Variants in VPS13B observed in about 807,000 individuals in gnomAD.
VPS13B encodes the protein vacuolar protein sorting 13 homolog B.
In VPS13B, 285 loss-of-function variants were observed where a neutral mutation model predicts 426.4. The observed-to-expected ratio is 0.67, with a 90% CI of 0.61 to 0.74. The LOEUF (loss-of-function observed/expected upper bound fraction) is 0.74. Ranked by LOEUF, VPS13B falls within the 30% of genes least tolerant of loss-of-function variation. VPS13B has a pLI of 0.00. For synonymous variants in VPS13B, 1,676 were observed against 1,676.4 expected (o/e 1.00, Z 0.01); for missense variants, 4,537 against 4,782.6 (o/e 0.95, Z 1.51).
rs73703007 is a variant in VPS13B at position 99,779,576 on chromosome 8, G to A, written c.7779+545G>A. Among the ~76,000 whole-genome samples, 181 of 152,144 alleles carry A rather than the reference G, an allele frequency of 1.2e-3. 1 individual carries two copies. The highest frequency in any genetic ancestry group is 4.2e-3 in the African/African-American group (175 of 41,508). On this transcript the variant is annotated intron_variant, in intron 42 of 61. Coordinates refer to ENST00000357162, the MANE Select transcript of VPS13B (RefSeq NM_152564.5). ...ATAATGGATTTTTAAATCAATTAGA[G>A]AGCCTTGATTATTTTAATAATTTTT...
chr8:99,131,425 G>A lies in VPS13B; in HGVS notation c.1207-3207G>A, dbSNP rs532863649. Among the ~76,000 whole-genome samples the A allele has an allele frequency of 1.8e-4, 28 of 152,252 alleles. 1 individual carries two copies. Among genetic ancestry groups the A allele is most frequent in the Middle Eastern group, 6.8e-3 (2 of 294 alleles). ...ATAATATGTTATAAGCATCTGGGGA[G>A]TTAAGAATTTTTTGTTTTGTTAATA... On this transcript the variant is annotated intron_variant, in intron 8 of 61. Transcript: ENST00000357162.
intron 43 of VPS13B, among the ~76,000 whole-genome samples, chr8:99,802,400 G>A (rs1231582762): frequency 2.0e-5 from 3 of 152,006 alleles, no homozygotes; most frequent in Admixed American, 6.6e-5. Flanking sequence ...ATAGAAATGT[G>A]TAATTTCTTT....
In VPS13B at chr8:99,170,173, A is replaced by G. The variant is rs933132905; in HGVS notation, c.2333+10A>G. 12 of 1,611,896 alleles carry G rather than the reference A, an allele frequency of 7.4e-6. No individual in the cohort carries two copies. Among genetic ancestry groups the G allele is most frequent in the Non-Finnish European group, 1.0e-5 (12 of 1,178,484 alleles). ...AACTCCCCACATGCTGGTAAGTCTT[A>G]CATGTTAAAATGTGATTTATGTTAA... On this transcript the variant is annotated intron_variant, in intron 16 of 61. Coordinates refer to ENST00000357162, the MANE Select transcript of VPS13B (RefSeq NM_152564.5).
chr8:99,752,748 T>C (rs191262499), intron 39 of VPS13B, among the ~76,000 whole-genome samples: 32 of 152,286 alleles, frequency 2.1e-4, no homozygotes, highest in African/African-American at 7.2e-4. Context: ...TTATCAAGAG[T>C]TATTAAGAAC....
rs759880773 is a variant in VPS13B at position 99,701,119 on chromosome 8, C to T, written c.6454+1187C>T. ...AGGCCAAAACATAGATGATTTATTT[C>T]TTTCTCACTAGAAATATTCGTGACC... On this transcript the variant is annotated intron_variant, in intron 36 of 61. Coordinates refer to ENST00000357162, the MANE Select transcript of VPS13B (RefSeq NM_152564.5). Among the ~76,000 whole-genome samples the T allele has an allele frequency of 5.1e-4, 78 of 152,278 alleles. 1 individual carries two copies. In the Middle Eastern group the frequency reaches 0.014, roughly 27 times the overall value.
intron 39 of VPS13B, among the ~76,000 whole-genome samples, chr8:99,762,005 GT>G (rs1810954881): frequency 6.6e-6 from 1 of 151,736 alleles, no homozygotes; most frequent in Non-Finnish European, 1.5e-5. Flanking sequence ...TGTCCACTGA[GT>G]TTTTGTTTGT....
At chr8:99,064,102 G>C (rs1456614423) in intron 3 of VPS13B, among the ~76,000 whole-genome samples, 1 of 152,112 alleles carries the variant, frequency 6.6e-6, no homozygotes, top group Admixed American at 6.5e-5. Flanking sequence ...CCATCTGTAG[G>C]TCACCAACAT....
intron 16 of VPS13B, among the ~76,000 whole-genome samples, chr8:99,183,376 T>G (rs1035540153): frequency 6.6e-6 from 1 of 152,198 alleles, no homozygotes; most frequent in African/African-American, 2.4e-5. Context: ...CTCTGGAGAT[T>G]AATATGTAAA....
intron 36 of VPS13B, among the ~76,000 whole-genome samples, chr8:99,705,420 T>G (rs564707847): frequency 1.3e-5 from 2 of 152,266 alleles, no homozygotes; most frequent in East Asian, 3.9e-4. Context: ...GGAGAAGACA[T>G]CTCAACATAC....
intron 15 of VPS13B, among the ~76,000 whole-genome samples, chr8:99,168,736 C>T (rs185146086): frequency 6.6e-6 from 1 of 151,916 alleles, no homozygotes; most frequent in Non-Finnish European, 1.5e-5. Context: ...AGAAAGATAT[C>T]TTTTTCTCAA....
intron 6 of VPS13B, 99 bp from the exon 7 acceptor site, chr8:99,115,601 T>C: frequency 8.5e-7 from 1 of 1,170,888 alleles, no homozygotes; most frequent in Non-Finnish European, 1.2e-6. Context: ...AGCATTTCTT[T>C]TATGTTATGC....
At chr8:99,814,724 T>C (rs1813920082) in intron 44 of VPS13B, among the ~76,000 whole-genome samples, 1 of 152,166 alleles carries the variant, frequency 6.6e-6, no homozygotes, top group Non-Finnish European at 1.5e-5. Context: ...CTTCCCTGAG[T>C]ACTTTGCTGC....
At chr8:99,820,492 C>G (rs1231922825) in intron 49 of VPS13B, among the ~76,000 whole-genome samples, 2 of 152,150 alleles carry the variant, frequency 1.3e-5, no homozygotes, top group African/African-American at 4.8e-5. Context: ...TCTGGAAATT[C>G]TCTGCAATCT....
At chr8:99,348,522 ATAAAT>A (rs1210231632) in intron 19 of VPS13B, among the ~76,000 whole-genome samples, 1 of 152,236 alleles carries the variant, frequency 6.6e-6, no homozygotes, top group African/African-American at 2.4e-5. Context: ...CATCATGGAC[ATAAAT>A]TAGATGATGT....
intron 36 of VPS13B, among the ~76,000 whole-genome samples, chr8:99,713,828 TA>T (rs2130292316): frequency 6.6e-6 from 1 of 152,054 alleles, no homozygotes; most frequent in South Asian, 2.1e-4. Flanking sequence ...GGCCTGAAAG[TA>T]AAGAAGTTCT....
At chr8:99,451,298 T>C (rs1818184449) in intron 23 of VPS13B, among the ~76,000 whole-genome samples, 1 of 152,190 alleles carries the variant, frequency 6.6e-6, no homozygotes, top group African/African-American at 2.4e-5. Flanking sequence ...AGCCTTTTTT[T>C]GTATTTCTTT....
chr8:99,185,440 T>G (rs1813169210), intron 16 of VPS13B, among the ~76,000 whole-genome samples: 1 of 152,210 alleles, frequency 6.6e-6, no homozygotes, highest in Admixed American at 6.5e-5. Flanking sequence ...CATCTTAGCT[T>G]TTTAAACTGT....
chr8:99,075,294 G>A (rs1329106331), intron 3 of VPS13B, among the ~76,000 whole-genome samples: 1 of 152,154 alleles, frequency 6.6e-6, no homozygotes, highest in Admixed American at 6.5e-5. Context: ...CCTAGCTTCT[G>A]GGGAGGTCTC....
chr8:99,752,808 C>G (rs1810464623), intron 39 of VPS13B, among the ~76,000 whole-genome samples: 1 of 152,124 alleles, frequency 6.6e-6, no homozygotes, highest in Non-Finnish European at 1.5e-5. Context: ...TTGAAAGAAC[C>G]AACTATCAAT....
Sources: gnomAD v4.1 joint callset for allele counts (sites outside exome capture counted in the v4.1 genomes callset) on GRCh38, gnomAD v4.1.1 for gene constraint, MANE v1.5 for transcripts, NCBI Gene and HGNC (gene_info 2026-07-23, HGNC 2026-07-21) for gene names.